RASSF9: variants seen among roughly 807,000 people sequenced by gnomAD.
RASSF9 encodes ras association domain-containing protein 9.
A neutral mutation model predicts 21.4 loss-of-function variants in RASSF9; 18 were observed. The observed-to-expected ratio is 0.84, with a 90% CI of 0.58 to 1.25. The LOEUF is 1.25. RASSF9 is among the 50% of genes most tolerant of loss of function. The pLI is 0.00. For missense variants in RASSF9, 480 were observed against 503.2 expected (o/e 0.95, Z 0.44); for synonymous variants, 183 against 179.1 (o/e 1.02, Z -0.18).
At chr12:85,816,775 T>C (rs1453069463) in intron 1 of RASSF9, among the ~76,000 whole-genome samples, 1 of 152,132 alleles carries the variant, frequency 6.6e-6, no homozygotes, top group East Asian at 1.9e-4. Flanking sequence ...ATTAAACTTT[T>C]TATGAAAAAT....
intron 1 of RASSF9, among the ~76,000 whole-genome samples, chr12:85,825,783 TACACAC>T (rs112920213): frequency 0.15 from 22,280 of 147,036 alleles, 2,184 homozygotes; most frequent in African/African-American, 0.29. Context: ...ATGTGATCTT[TACACAC>T]ACACACACAC....
chr12:85,828,829 CT>C (rs1880391010), intron 1 of RASSF9, among the ~76,000 whole-genome samples: 1 of 152,068 alleles, frequency 6.6e-6, no homozygotes, highest in Non-Finnish European at 1.5e-5. Context: ...CTACTATGGC[CT>C]TTTAAGTGTT....
intron 1 of RASSF9, among the ~76,000 whole-genome samples, chr12:85,822,076 T>G (rs1880225008): frequency 6.6e-6 from 1 of 152,152 alleles, no homozygotes; most frequent in African/African-American, 2.4e-5. Context: ...AAAAAAAAAG[T>G]GCTTATTAAA....
At chr12:85,819,515 C>T (rs956738800) in intron 1 of RASSF9, among the ~76,000 whole-genome samples, 6 of 152,116 alleles carry the variant, frequency 3.9e-5, no homozygotes, top group Non-Finnish European at 8.8e-5. Context: ...GTGCTATGCT[C>T]TAAGTGCTTT....
At chr12:85,828,408 C>T (rs1050218989) in intron 1 of RASSF9, among the ~76,000 whole-genome samples, 4 of 152,042 alleles carry the variant, frequency 2.6e-5, no homozygotes, top group African/African-American at 4.8e-5. Flanking sequence ...GTAGATACCT[C>T]ATTTACCCTG....
chr12:85,835,409 C>T lies in RASSF9; in HGVS notation c.47+746G>A, dbSNP rs557475730. On this transcript the variant is annotated intron_variant, in intron 1 of 1. Coordinates refer to ENST00000361228, the MANE Select transcript of RASSF9 (RefSeq NM_005447.4). ...CAGACATACTGTCCCTAGAAAAATACGTGTGTGTATGTGTGTTTTGAGTAA... is the reference window on the plus strand; with the variant it reads ...CAGACATACTGTCCCTAGAAAAATATGTGTGTGTATGTGTGTTTTGAGTAA... Among the ~76,000 whole-genome samples, 11 of 152,042 alleles carry T rather than the reference C, an allele frequency of 7.2e-5. No individual in the cohort carries two copies. The South Asian group carries it at 1.2e-3, about 17-fold the overall frequency.
rs552752701 is a variant in RASSF9, at chr12:85,812,458, C to T, written c.48-6496G>A. Among the ~76,000 whole-genome samples the T allele has an allele frequency of 3.3e-5, 5 of 150,874 alleles. No homozygotes were observed. The South Asian group carries it at 8.4e-4, about 25-fold the overall frequency. ...TATAATATACATTTTAATTTAATAT[C>T]CCCTGAAATATTGATGAGATTCATT... is the stretch of plus-strand genomic sequence containing the variant. On this transcript the variant is annotated intron_variant, in intron 1 of 1. Coordinates refer to ENST00000361228, the MANE Select transcript of RASSF9 (RefSeq NM_005447.4).
intron 1 of RASSF9, among the ~76,000 whole-genome samples, chr12:85,834,636 A>C (rs1042952414): frequency 6.6e-6 from 1 of 152,178 alleles, no homozygotes; most frequent in Non-Finnish European, 1.5e-5. Flanking sequence ...GAAAGCCCTG[A>C]CTACAGGGAT....
intron 1 of RASSF9, among the ~76,000 whole-genome samples, chr12:85,828,010 T>C (rs748674614): frequency 6.6e-6 from 1 of 152,222 alleles, no homozygotes; most frequent in Non-Finnish European, 1.5e-5. Flanking sequence ...AAATATTTAT[T>C]ATTCAACATA....
At chr12:85,813,159 A>G (rs964100654) in intron 1 of RASSF9, among the ~76,000 whole-genome samples, 2 of 151,922 alleles carry the variant, frequency 1.3e-5, no homozygotes, top group Admixed American at 6.6e-5. Flanking sequence ...TAAATTCAAG[A>G]GGATTTATAT....
intron 1 of RASSF9, among the ~76,000 whole-genome samples, chr12:85,816,545 A>T (rs949632638): frequency 6.6e-6 from 1 of 152,120 alleles, no homozygotes; most frequent in African/African-American, 2.4e-5. Flanking sequence ...TAATAATATA[A>T]TCCTCAGTAG....
intron 1 of RASSF9, among the ~76,000 whole-genome samples, chr12:85,835,059 A>G (rs986865797): frequency 7.2e-5 from 11 of 152,160 alleles, no homozygotes; most frequent in African/African-American, 2.7e-4. Context: ...GGAATGAGTT[A>G]AAAACAGGAT....
intron 1 of RASSF9, among the ~76,000 whole-genome samples, chr12:85,811,765 T>A (rs1879959230): frequency 1.3e-5 from 2 of 151,534 alleles, no homozygotes; most frequent in African/African-American, 4.8e-5. Context: ...AAGATTTGAA[T>A]CAGTTATCTA....
At chr12:85,821,720 A>G (rs2136559077) in intron 1 of RASSF9, among the ~76,000 whole-genome samples, 1 of 152,146 alleles carries the variant, frequency 6.6e-6, no homozygotes, top group East Asian at 1.9e-4. Flanking sequence ...TGCTACTTTA[A>G]TTTTCGAAGA....
chr12:85,832,680 C>T (rs1880476260), intron 1 of RASSF9, among the ~76,000 whole-genome samples: 1 of 151,872 alleles, frequency 6.6e-6, no homozygotes. Flanking sequence ...AAAACACTTT[C>T]AGAACTTGAA....
chr12:85,808,917 T>C (rs1879891964), intron 1 of RASSF9, among the ~76,000 whole-genome samples: 1 of 152,156 alleles, frequency 6.6e-6, no homozygotes, highest in Non-Finnish European at 1.5e-5. Flanking sequence ...TATTTTTTGG[T>C]ATTTAAGATT....
chr12:85,818,606 T>C (rs1880130982), intron 1 of RASSF9, among the ~76,000 whole-genome samples: 1 of 152,214 alleles, frequency 6.6e-6, no homozygotes, highest in Admixed American at 6.5e-5. Flanking sequence ...TAATTGATTT[T>C]CTTGCAATCC....
At chr12:85,806,140 G>A (rs1246333440) in intron 1 of RASSF9, among the ~76,000 whole-genome samples, 178 bp from the exon 2 acceptor site, 2 of 151,754 alleles carry the variant, frequency 1.3e-5, no homozygotes, top group Admixed American at 6.6e-5. Flanking sequence ...TCCGCTTCTC[G>A]GGTTCACGCC....
intron 1 of RASSF9, among the ~76,000 whole-genome samples, chr12:85,827,862 A>G (rs1451130293): frequency 6.6e-6 from 1 of 152,158 alleles, no homozygotes; most frequent in Non-Finnish European, 1.5e-5. Context: ...CAAATGTCTA[A>G]TTCACATATT....
Sources: gnomAD v4.1 joint callset for allele counts (sites outside exome capture counted in the v4.1 genomes callset) on GRCh38, gnomAD v4.1.1 for gene constraint, MANE v1.5 for transcripts, NCBI Gene and HGNC (gene_info 2026-07-23, HGNC 2026-07-21) for gene names.